FHIT: variants seen among roughly 807,000 people sequenced by gnomAD.
FHIT encodes the protein bis(5'-adenosyl)-triphosphatase.
Under a neutral mutation model 17.9 loss-of-function variants are expected in FHIT, and 19 were observed. That is an observed-to-expected ratio of 1.06 (90% CI 0.74 to 1.56). FHIT has a LOEUF of 1.56. Ranked by LOEUF, FHIT falls within the 40% of genes most tolerant of loss-of-function variation. The pLI is 0.00. For missense variants in FHIT, 248 were observed against 189.2 expected (o/e 1.31, Z -1.82); for synonymous variants, 81 against 69.7 (o/e 1.16, Z -0.81).
intron 7 of FHIT, among the ~76,000 whole-genome samples, chr3:59,972,944 A>C (rs1708253836): frequency 6.6e-6 from 1 of 151,908 alleles, no homozygotes; most frequent in Non-Finnish European, 1.5e-5. Context: ...CTCCTGACTT[A>C]TCTCTTCCTC....
intron 8 of FHIT, among the ~76,000 whole-genome samples, chr3:59,860,254 T>A (rs761186178): frequency 1.3e-5 from 2 of 152,108 alleles, no homozygotes; most frequent in Non-Finnish European, 2.9e-5. Context: ...TTGGGAAGAA[T>A]TGATGATCAG....
At chr3:61,064,808 G>T (rs957556410) in intron 2 of FHIT, among the ~76,000 whole-genome samples, 1 of 152,110 alleles carries the variant, frequency 6.6e-6, no homozygotes, top group Non-Finnish European at 1.5e-5. Context: ...TGTATATGCT[G>T]CCTAGAGACA....
At chr3:60,649,193 C>T (rs760242861) in intron 4 of FHIT, among the ~76,000 whole-genome samples, 10 of 151,940 alleles carry the variant, frequency 6.6e-5, no homozygotes, top group East Asian at 1.9e-4. Context: ...GTCAGGAGAT[C>T]GAGACCATTC....
intron 3 of FHIT, among the ~76,000 whole-genome samples, chr3:61,020,465 G>C (rs1442535467): frequency 3.3e-5 from 5 of 152,022 alleles, no homozygotes; most frequent in African/African-American, 7.2e-5. Flanking sequence ...AGATTGCAAA[G>C]ATTTTCTCCC....
intron 5 of FHIT, among the ~76,000 whole-genome samples, chr3:60,509,839 G>C (rs1004826006): frequency 1.3e-5 from 2 of 152,168 alleles, no homozygotes; most frequent in Admixed American, 6.5e-5. Flanking sequence ...TAAGGAATAG[G>C]AAGAAAATAT....
intron 5 of FHIT, among the ~76,000 whole-genome samples, chr3:60,182,852 G>C (rs1244493844): frequency 6.6e-6 from 1 of 151,396 alleles, no homozygotes; most frequent in Non-Finnish European, 1.5e-5. Flanking sequence ...CTCTATAAAT[G>C]CTGCCAGTCG....
At chr3:60,397,804 A>G (rs1221976357) in intron 5 of FHIT, among the ~76,000 whole-genome samples, 1 of 152,168 alleles carries the variant, frequency 6.6e-6, no homozygotes, top group Admixed American at 6.6e-5. Flanking sequence ...CTTTCCTCTG[A>G]TTGATCCTCA....
chr3:60,857,592 A>G (rs980715985), intron 3 of FHIT, among the ~76,000 whole-genome samples: 1 of 152,184 alleles, frequency 6.6e-6, no homozygotes, highest in Non-Finnish European at 1.5e-5. Flanking sequence ...AAATGTTATA[A>G]AGAGTTCTTT....
chr3:61,223,165 T>C (rs540207156), intron 1 of FHIT, among the ~76,000 whole-genome samples: 2 of 152,272 alleles, frequency 1.3e-5, no homozygotes, highest in African/African-American at 4.8e-5. Context: ...CCTAACAACA[T>C]CTGACATTTA....
chr3:60,306,610 A>G (rs1043044183), intron 5 of FHIT, among the ~76,000 whole-genome samples: 1 of 152,150 alleles, frequency 6.6e-6, no homozygotes, highest in African/African-American at 2.4e-5. Flanking sequence ...CAACTGTTCA[A>G]CCCTTACTTG....
intron 5 of FHIT, among the ~76,000 whole-genome samples, chr3:60,211,098 A>G (rs1486395392): frequency 6.7e-6 from 1 of 149,036 alleles, no homozygotes; most frequent in Non-Finnish European, 1.5e-5. Flanking sequence ...GAAGAGGAGG[A>G]AGAGGAAAAA....
intron 5 of FHIT, among the ~76,000 whole-genome samples, chr3:60,238,691 C>G (rs1008672859): frequency 6.6e-6 from 1 of 152,126 alleles, no homozygotes; most frequent in Non-Finnish European, 1.5e-5. Flanking sequence ...CTTTCCCTGA[C>G]AGATGACAAG....
intron 3 of FHIT, among the ~76,000 whole-genome samples, chr3:60,966,177 T>G (rs1709731391): frequency 6.6e-6 from 1 of 152,164 alleles, no homozygotes; most frequent in Admixed American, 6.5e-5. Context: ...ACCTTGTGGT[T>G]CGAACTCAGA....
chr3:60,805,839 G>C (rs1280955403), intron 4 of FHIT, among the ~76,000 whole-genome samples: 1 of 152,116 alleles, frequency 6.6e-6, no homozygotes, highest in Non-Finnish European at 1.5e-5. Flanking sequence ...GATTACAGGT[G>C]TGAGCCACCG....
At position 61,132,233 on chromosome 3, in the gene FHIT, A is replaced by G. The variant is rs2036784450; in HGVS notation, c.-164+68384T>C. On this transcript the variant is annotated intron_variant, in intron 2 of 9. Transcript: ENST00000492590. ...CTGAAGGAATACTGAATTAGTCTGC[A>G]TGGGCCACCCACATGTCTTAGTTGA... is the stretch of plus-strand genomic sequence containing the variant. Among the ~76,000 whole-genome samples, 4 of 152,330 alleles carry G rather than the reference A, an allele frequency of 2.6e-5. No individual in the cohort carries two copies. In the South Asian group the frequency reaches 8.3e-4, roughly 32 times the overall value.
chr3:60,646,837 C>G (rs371904938), intron 4 of FHIT, among the ~76,000 whole-genome samples: 224 of 152,298 alleles, frequency 1.5e-3, no homozygotes, highest in African/African-American at 5.2e-3. Flanking sequence ...AATCAGAACA[C>G]TTCTCCCACC....
At chr3:60,899,077 G>A (rs1705972368) in intron 3 of FHIT, among the ~76,000 whole-genome samples, 1 of 152,158 alleles carries the variant, frequency 6.6e-6, no homozygotes, top group Non-Finnish European at 1.5e-5. Flanking sequence ...AACTACTACA[G>A]ATAAATCCGC....
intron 5 of FHIT, among the ~76,000 whole-genome samples, chr3:60,261,314 A>T (rs959305129): frequency 6.6e-6 from 1 of 152,078 alleles, no homozygotes; most frequent in Non-Finnish European, 1.5e-5. Flanking sequence ...GTGAGAAAAG[A>T]AAAACAAAAG....
chr3:60,512,871 A>G (rs1432885780), intron 5 of FHIT, among the ~76,000 whole-genome samples: 5 of 152,224 alleles, frequency 3.3e-5, no homozygotes, highest in Admixed American at 1.3e-4. Context: ...ATATATTTTA[A>G]AATATTTAAT....
Sources: allele counts gnomAD v4.1 joint callset (sites outside exome capture counted in the v4.1 genomes callset), GRCh38; gene constraint gnomAD v4.1.1; transcripts MANE v1.5; gene names NCBI Gene and HGNC (gene_info 2026-07-23, HGNC 2026-07-21).